Variants in TMC6 observed in about 807,000 individuals in gnomAD.
TMC6 encodes transmembrane channel-like protein 6.
In TMC6, 71 loss-of-function variants were observed where a neutral mutation model predicts 95.4. The observed-to-expected ratio is 0.74, with a 90% CI of 0.61 to 0.91. The LOEUF (loss-of-function observed/expected upper bound fraction) is 0.91. Among genes scored for constraint, TMC6 ranks in the 40% least tolerant of loss-of-function variants. TMC6 has a pLI of 0.00. For missense variants in TMC6, 1,074 were observed against 1,079.1 expected (o/e 1.00, Z 0.07); for synonymous variants, 514 against 483.1 (o/e 1.06, Z -0.84).
In TMC6 at chr17:78,113,573, T is replaced by C. The variant is rs752653498; in HGVS notation, c.2329A>G (p.Arg777Gly). ...CTGCTCCTCTCCTCCCTCTCCTTCC[T>C]CTCGTAGATGGAGTGAAGCTTGTTG... ...LINKLHSIYERKEREERSRVG... is the reference protein window; with the variant it reads ...LINKLHSIYEGKEREERSRVG... The change falls in exon 19 of 20, where the codon AGG becomes GGG. Residue 777 changes from arginine to glycine, a missense_variant. Coordinates refer to ENST00000590602, the MANE Select transcript of TMC6 (RefSeq NM_001127198.5). 35 of 1,613,764 alleles carry C rather than the reference T, an allele frequency of 2.2e-5. 1 individual carries two copies. In the South Asian group the frequency reaches 3.8e-4, roughly 18 times the overall value.
At position 78,109,876 on chromosome 17, in the gene TMC6, G is replaced by A. The variant is rs1437011709; in HGVS notation, c.*3272C>T. The A allele has an allele frequency of 1.0e-5, 3 of 286,668 alleles. No individual in the cohort carries two copies. Among genetic ancestry groups the A allele is most frequent in the African/African-American group, 2.2e-5 (1 of 45,274 alleles). The allele number at this position is 286,668 out of a possible 1,614,324, so 17.8% of individuals were successfully genotyped here. A position where few individuals can be genotyped will look rare whatever the true frequency, so the allele number is the denominator to read the frequency against. ...GAGGTCAGGAGTTCAAGACCAGCCTGAGCAACATGGAGAAACCCTGTCTCT... is the reference window on the plus strand; with the variant it reads ...GAGGTCAGGAGTTCAAGACCAGCCTAAGCAACATGGAGAAACCCTGTCTCT... On this transcript the variant is annotated 3_prime_UTR_variant, in exon 20 of 20. Transcript: ENST00000590602.
At chr17:78,126,424 C>T (rs1489060228) in intron 3 of TMC6, 58 bp from the exon 4 acceptor site, 1 of 1,605,252 alleles carries the variant, frequency 6.2e-7, no homozygotes, top group African/African-American at 1.3e-5. Context: ...CACAGTATCT[C>T]CCACCCCATC....
At chr17:78,131,948 G>C, upstream of TMC6, 8 of 1,512,086 alleles carry the variant, frequency 5.3e-6, no homozygotes, top group Non-Finnish European at 6.2e-6. Context: ...GGCGGCAGAC[G>C]GTGGAAAGGC....
rs1251973970 is a variant in TMC6 at position 78,109,739 on chromosome 17, T to G, written c.*3409A>C. 1.4e-5 allele frequency: 5 copies of G among 352,262 alleles called. No individual in the cohort carries two copies. Among genetic ancestry groups the G allele is most frequent in the Non-Finnish European group, 1.7e-5 (3 of 176,458 alleles). 21.8% of individuals were successfully genotyped at this position (352,262 alleles called of 1,614,324 possible). On this transcript the variant is annotated 3_prime_UTR_variant, in exon 20 of 20. Transcript: ENST00000590602. ...GGGCCCAGAGCAGGGGTTCTCAACCTTGGCCCATTAGAATTACCTGAAAAT... is the reference window on the plus strand; with the variant it reads ...GGGCCCAGAGCAGGGGTTCTCAACCGTGGCCCATTAGAATTACCTGAAAAT...
chr17:78,119,218 A>T, intron 14 of TMC6, 79 bp downstream of exon 14: 2 of 1,555,570 alleles, frequency 1.3e-6, no homozygotes, highest in Non-Finnish European at 1.8e-6. Flanking sequence ...CCCCAGGGGG[A>T]GGCAGGTACA....
rs1315013430 is a variant in TMC6 at position 78,122,666 on chromosome 17, T to C, written c.1166A>G (p.Tyr389Cys). Residue 389 changes from tyrosine (Y) to cysteine (C), a missense_variant, in exon 10 of 20, where the codon TAC becomes TGC. Tyr to Cys is a radical substitution (Grantham distance 194, BLOSUM62 -2). Coordinates refer to ENST00000590602, the MANE Select transcript of TMC6 (RefSeq NM_001127198.5). This position sits in a 1 kb window ranked among gnomAD's most constrained non-coding sequence, Gnocchi z 4.9. ...HAITVFCSWDYKVTQKRASRL... is the reference protein window; with the variant it reads ...HAITVFCSWDCKVTQKRASRL... ...GGAGGCCCGCTTCTGCGTCACCTTGTAGTCCCAGGAGCAGAAGACGGTGAT... is the reference window on the plus strand; with the variant it reads ...GGAGGCCCGCTTCTGCGTCACCTTGCAGTCCCAGGAGCAGAAGACGGTGAT... 3.1e-6 allele frequency: 5 copies of C among 1,612,130 alleles called. No individual in the cohort carries two copies. The African/African-American group carries it at 6.7e-5, about 22-fold the overall frequency.
At chr17:78,120,922 G>T (rs767184349) in intron 12 of TMC6, 90 bp from the exon 13 acceptor site, 7 of 1,611,894 alleles carry the variant, frequency 4.3e-6, no homozygotes, top group Non-Finnish European at 5.9e-6. Context: ...GGTCACACCG[G>T]CCTCATCCTA....
Position 78,112,919 on chromosome 17 carries a change from C to T in TMC6, c.*229G>A. On this transcript the variant is annotated 3_prime_UTR_variant, in exon 20 of 20. Transcript: ENST00000590602. ...AGACACAGAGCCCCAAGGGACAAGC[C>T]CATTTGCAAAACCCCTTTAATCAGA... The T allele has an allele frequency of 1.7e-6, 1 of 580,868 alleles. No individual in the cohort carries two copies. The highest frequency in any genetic ancestry group is 2.1e-5 in the South Asian group (1 of 47,790). The allele number at this position is 580,868 out of a possible 1,614,324, so 36.0% of individuals were successfully genotyped here.
At chr17:78,119,545 G>T (rs1443692378) in intron 13 of TMC6, among the ~76,000 whole-genome samples, 153 bp from the exon 14 acceptor site, 1 of 152,222 alleles carries the variant, frequency 6.6e-6, no homozygotes, top group Non-Finnish European at 1.5e-5. Context: ...CAGCCTGGGG[G>T]ACCCCACCAG....
chr17:78,123,128 C>T (rs1376093760), intron 9 of TMC6: 1 of 356,786 alleles, frequency 2.8e-6, no homozygotes, highest in Non-Finnish European at 5.4e-6. Context: ...TAACCTTCCC[C>T]TCTCAGGGCA....
Position 78,112,918 on chromosome 17 carries a change from C to T in TMC6, c.*230G>A, listed in dbSNP as rs1458913136. On this transcript the variant is annotated 3_prime_UTR_variant, in exon 20 of 20. Transcript: ENST00000590602. ...CAGACACAGAGCCCCAAGGGACAAGCCCATTTGCAAAACCCCTTTAATCAG... is the reference window on the plus strand; with the variant it reads ...CAGACACAGAGCCCCAAGGGACAAGTCCATTTGCAAAACCCCTTTAATCAG... 6.9e-6 allele frequency: 4 copies of T among 580,208 alleles called. No homozygotes were observed. The highest frequency in any genetic ancestry group is 2.1e-5 in the South Asian group (1 of 47,886). 35.9% of individuals were successfully genotyped at this position (580,208 alleles called of 1,614,324 possible).
At chr17:78,118,306 C>T (rs1050887162) in intron 15 of TMC6, 15 of 340,260 alleles carry the variant, frequency 4.4e-5, no homozygotes, top group African/African-American at 3.2e-4. Context: ...CCTGTAATCC[C>T]AGCACTTTGG....
chr17:78,132,158 C>T (rs1425407713), upstream of TMC6: 1 of 1,449,932 alleles, frequency 6.9e-7, no homozygotes, highest in Non-Finnish European at 9.3e-7. Flanking sequence ...CCCCTCCCCC[C>T]TCCCACCCCT....
At chr17:78,123,185 C>T (rs1440246888) in intron 9 of TMC6, 1 of 330,100 alleles carries the variant, frequency 3.0e-6, no homozygotes. Context: ...CCCAGTGCTC[C>T]CATAACACTG....
chr17:78,113,525 C>T, intron 19 of TMC6, 23 bp downstream of exon 19: 1 of 1,613,174 alleles, frequency 6.2e-7, no homozygotes, highest in Non-Finnish European at 8.5e-7. Flanking sequence ...CAGAGTGTCC[C>T]CAATCCCTCC....
chr17:78,132,179 G>A (rs558631360), upstream of TMC6: 2 of 1,418,710 alleles, frequency 1.4e-6, no homozygotes, highest in African/African-American at 2.8e-5. Flanking sequence ...TCCGCCCGCA[G>A]GCACCGCAAA....
chr17:78,124,902 T>C lies in TMC6; in HGVS notation c.620A>G (p.Tyr207Cys). 2 of 1,597,466 alleles carry C rather than the reference T, an allele frequency of 1.3e-6. No individual in the cohort carries two copies. The highest frequency in any genetic ancestry group is 1.7e-6 in the Non-Finnish European group (2 of 1,173,876). ...GVCSCCGRLR[Y>C]ACVLALHSLG... ...AGGGGCCCATACCAGCACGCAGGCA[T>C]ATCTGAGCCGGCCACAGCAGGAGCA... The change falls in exon 7 of 20, where the codon TAT (tyrosine) becomes TGT (cysteine). Residue 207 changes from tyrosine (Y) to cysteine (C), a missense_variant. Coordinates refer to ENST00000590602, the MANE Select transcript of TMC6 (RefSeq NM_001127198.5).
Position 78,119,100 on chromosome 17 carries a change from A to T in TMC6, c.1812-54T>A, listed in dbSNP as rs2252496. The T allele has an allele frequency of 0.37, 565,227 of 1,541,266 alleles. 104,667 individuals are homozygous for T. The highest frequency in any genetic ancestry group is 0.44 in the East Asian group (18,123 of 41,288). ...GCTCCAGTGCCCTCCCCTCCCCGAG[A>T]TCAGGCTGGTTCCAGACCACGGGCA... On this transcript the variant is annotated intron_variant, in intron 14 of 19. Transcript: ENST00000590602.
At chr17:78,132,152 T>A (rs535830812), upstream of TMC6, 4 of 1,450,172 alleles carry the variant, frequency 2.8e-6, no homozygotes, top group Non-Finnish European at 3.7e-6. Context: ...AATCGGCCCC[T>A]CCCCCCTCCC....
Sources: allele counts gnomAD v4.1 joint callset (sites outside exome capture counted in the v4.1 genomes callset), GRCh38; gene constraint gnomAD v4.1.1; non-coding constraint Gnocchi (gnomAD v3.1); transcripts MANE v1.5; gene names NCBI Gene and HGNC (gene_info 2026-07-23, HGNC 2026-07-21).